Variants in TLL1 observed in about 807,000 individuals in gnomAD.
TLL1 encodes tolloid like 1, also known as tolloid-like protein 1.
Under a neutral mutation model 128.2 loss-of-function variants are expected in TLL1, and 49 were observed. That is an observed-to-expected ratio of 0.38 (90% CI 0.30 to 0.48). The LOEUF is 0.48. Among genes scored for constraint, TLL1 ranks in the 20% least tolerant of loss-of-function variants. TLL1 has a pLI of 0.96. For synonymous variants in TLL1, 454 were observed against 418.8 expected, an observed-to-expected ratio of 1.08 and a Z score of -1.03; for missense variants, 1,123 against 1,242.0, an observed-to-expected ratio of 0.90 and a Z score of 1.44.
At chr4:166,028,040 A>C (rs538084580) in intron 9 of TLL1, among the ~76,000 whole-genome samples, 2 of 152,210 alleles carry the variant, frequency 1.3e-5, no homozygotes, top group South Asian at 4.1e-4. Context: ...AACTCATTAT[A>C]ATCCTCGTGT....
rs1301277911 is a variant in TLL1, at chr4:165,873,870, G to T, written c.-35G>T. The T allele has an allele frequency of 6.2e-7, 1 of 1,612,264 alleles. No homozygotes were observed. The highest frequency in any genetic ancestry group is 8.5e-7 in the Non-Finnish European group (1 of 1,179,800). ...GCGGACCGCGGCTGCCTAACCTCTG[G>T]GTCCCGTCCCCTCCTTTTCCTCCGG... is the stretch of plus-strand genomic sequence containing the variant. On this transcript the variant is annotated 5_prime_UTR_variant, in exon 1 of 21. Transcript: ENST00000061240.
chr4:166,049,290 G>T (rs1340932589), intron 12 of TLL1, among the ~76,000 whole-genome samples: 1 of 152,142 alleles, frequency 6.6e-6, no homozygotes, highest in Admixed American at 6.5e-5. Flanking sequence ...ATGTCACCAG[G>T]TCTAGTAGTA....
chr4:166,005,795 T>C (rs540862146), intron 6 of TLL1, among the ~76,000 whole-genome samples: 52 of 151,922 alleles, frequency 3.4e-4, no homozygotes, highest in African/African-American at 1.2e-3. Context: ...TCAAAAATGG[T>C]TTTTACTCTT....
chr4:165,959,676 A>T (rs904603183), intron 1 of TLL1, among the ~76,000 whole-genome samples: 1 of 152,164 alleles, frequency 6.6e-6, no homozygotes, highest in African/African-American at 2.4e-5. Context: ...AATAGAAACA[A>T]ATAACAGGAG....
chr4:165,900,061 T>A (rs2110850028), intron 1 of TLL1, among the ~76,000 whole-genome samples: 1 of 151,928 alleles, frequency 6.6e-6, no homozygotes, highest in African/African-American at 2.4e-5. Flanking sequence ...CTGATTTTTT[T>A]TTTTTTTTTG....
At position 166,007,953 on chromosome 4, in the gene TLL1, C is replaced by T; in HGVS notation, c.822C>T (p.Tyr274=). 2 of 1,608,276 alleles carry T rather than the reference C, an allele frequency of 1.2e-6. No homozygotes were observed. The highest frequency in any genetic ancestry group is 4.5e-5 in the East Asian group (2 of 44,698). ...IRENIQPGQE[Y]NFLKMEPGEV... ...ATCCCTGGTTCTTAGGTCAAGAGTA[C>T]AATTTTCTGAAGATGGAGCCTGGAG... is the stretch of plus-strand genomic sequence containing the variant. Residue 274 remains tyrosine (Y), a synonymous_variant, in exon 7 of 21, where the codon TAC becomes TAT. Transcript: ENST00000061240.
chr4:166,006,537 A>G (rs186497423), intron 6 of TLL1, among the ~76,000 whole-genome samples: 4 of 151,918 alleles, frequency 2.6e-5, no homozygotes, highest in African/African-American at 9.6e-5. Context: ...ATAAGTATAA[A>G]ATTAGATCCA....
At chr4:166,051,690 T>C (rs868335743) in intron 12 of TLL1, among the ~76,000 whole-genome samples, 4 of 152,292 alleles carry the variant, frequency 2.6e-5, no homozygotes, top group Middle Eastern at 6.8e-3. Flanking sequence ...GAAAAATAAG[T>C]AACTGAAGAC....
chr4:166,055,804 T>C (rs1739978506), intron 13 of TLL1, among the ~76,000 whole-genome samples: 2 of 152,172 alleles, frequency 1.3e-5, no homozygotes, highest in African/African-American at 4.8e-5. Context: ...TCCCATATTT[T>C]GTATGTATTG....
At chr4:166,034,025 G>A (rs1738891112) in intron 9 of TLL1, among the ~76,000 whole-genome samples, 1 of 152,106 alleles carries the variant, frequency 6.6e-6, no homozygotes, top group South Asian at 2.1e-4. Flanking sequence ...TCGCAGTAGT[G>A]TATTTATATT....
intron 1 of TLL1, among the ~76,000 whole-genome samples, chr4:165,975,144 G>C (rs1735815272): frequency 6.6e-6 from 1 of 152,192 alleles, no homozygotes; most frequent in South Asian, 2.1e-4. Context: ...CCCACAGGAA[G>C]TGGGTTTGGC....
chr4:166,079,457 C>A (rs1741189226), intron 18 of TLL1, among the ~76,000 whole-genome samples: 1 of 151,964 alleles, frequency 6.6e-6, no homozygotes, highest in African/African-American at 2.4e-5. Context: ...TGAATGATTC[C>A]ATTTTTTTTC....
chr4:166,024,520 G>A (rs986896639), intron 8 of TLL1, among the ~76,000 whole-genome samples: 3 of 152,136 alleles, frequency 2.0e-5, no homozygotes. Context: ...CTAGGTTCAT[G>A]GCACATTGCA....
intron 1 of TLL1, among the ~76,000 whole-genome samples, chr4:165,904,771 T>C (rs577426740): frequency 6.6e-6 from 1 of 152,298 alleles, no homozygotes; most frequent in Non-Finnish European, 1.5e-5. Context: ...GATGAAGACT[T>C]GCATATGCAA....
intron 7 of TLL1, among the ~76,000 whole-genome samples, chr4:166,012,100 T>G (rs1737720897): frequency 6.6e-6 from 1 of 151,616 alleles, no homozygotes; most frequent in African/African-American, 2.4e-5. Context: ...TTCTGAACTG[T>G]GGACTGCCCA....
chr4:166,030,052 T>A (rs1738687536), intron 9 of TLL1, among the ~76,000 whole-genome samples: 2 of 152,100 alleles, frequency 1.3e-5, no homozygotes, highest in African/African-American at 4.8e-5. Context: ...TTTAATTTTT[T>A]AAATAACCTT....
chr4:165,893,911 T>C (rs903278885), intron 1 of TLL1, among the ~76,000 whole-genome samples: 1 of 152,136 alleles, frequency 6.6e-6, no homozygotes, highest in African/African-American at 2.4e-5. Context: ...AAAGACTTAT[T>C]GAAATATAAA....
At chr4:165,878,471 G>A (rs1730820288) in intron 1 of TLL1, among the ~76,000 whole-genome samples, 1 of 151,798 alleles carries the variant, frequency 6.6e-6, no homozygotes, top group Non-Finnish European at 1.5e-5. Flanking sequence ...CTTGAATTCT[G>A]CTCCTGGTTT....
At chr4:165,969,426 CTT>C (rs1056510294) in intron 1 of TLL1, among the ~76,000 whole-genome samples, 2 of 152,020 alleles carry the variant, frequency 1.3e-5, no homozygotes, top group South Asian at 2.1e-4. Flanking sequence ...ATTGCTGTAT[CTT>C]TTATTTGATG....
Sources: allele counts gnomAD v4.1 joint callset (sites outside exome capture counted in the v4.1 genomes callset), GRCh38; gene constraint gnomAD v4.1.1; transcripts MANE v1.5; gene names NCBI Gene and HGNC (gene_info 2026-07-23, HGNC 2026-07-21).